CDC42BPB: variants seen among roughly 807,000 people sequenced by gnomAD.
The protein encoded by CDC42BPB is CDC42 binding protein kinase beta.
A neutral mutation model predicts 214.9 loss-of-function variants in CDC42BPB; 37 were observed. The observed-to-expected ratio is 0.17, with a 90% CI of 0.13 to 0.23. The LOEUF is 0.23. Ranked by LOEUF, CDC42BPB falls within the 10% of genes least tolerant of loss-of-function variation. CDC42BPB has a pLI of 1.00. For missense variants in CDC42BPB, 1,694 were observed against 2,227.0 expected (o/e 0.76, Z 4.82); for synonymous variants, 931 against 884.0 (o/e 1.05, Z -0.94).
intron 1 of CDC42BPB, among the ~76,000 whole-genome samples, chr14:103,055,784 G>A (rs190617333): frequency 1.5e-4 from 23 of 150,416 alleles, no homozygotes; most frequent in African/African-American, 4.5e-4. Context: ...ATCTGGCAGA[G>A]TAGAGTAGGA....
At chr14:103,002,139 T>C (rs1052522624) in intron 4 of CDC42BPB, among the ~76,000 whole-genome samples, 2 of 152,254 alleles carry the variant, frequency 1.3e-5, no homozygotes. Context: ...TCCATATCGC[T>C]ATGAGAGGCA....
intron 9 of CDC42BPB, 62 bp downstream of exon 9, chr14:102,978,064 G>T: frequency 1.6e-6 from 2 of 1,284,134 alleles, no homozygotes; most frequent in Non-Finnish European, 1.1e-6. Flanking sequence ...AGACTGTGGT[G>T]TCTGACTGTT....
intron 3 of CDC42BPB, among the ~76,000 whole-genome samples, chr14:103,006,990 T>C (rs1442119270): frequency 9.9e-5 from 15 of 152,172 alleles, no homozygotes. Flanking sequence ...TGTTTGCCAC[T>C]GTTTGGGGCG....
At chr14:103,014,173 A>C (rs1267339811) in intron 1 of CDC42BPB, among the ~76,000 whole-genome samples, 7 of 151,072 alleles carry the variant, frequency 4.6e-5, no homozygotes, top group Admixed American at 6.6e-5. Context: ...CTCAAAAAAA[A>C]AAAAAAAAAA....
intron 5 of CDC42BPB, 64 bp downstream of exon 5, chr14:102,999,501 G>T: frequency 6.5e-7 from 1 of 1,547,070 alleles, no homozygotes; most frequent in Non-Finnish European, 8.9e-7. Flanking sequence ...GGACTTGGGA[G>T]CTCTGAAAGG....
rs140317521 is a variant in CDC42BPB at position 102,975,705 on chromosome 14, G to A, written c.1486C>T (p.Arg496Cys). 46 of 1,613,898 alleles carry A rather than the reference G, an allele frequency of 2.9e-5. No homozygotes were observed. The highest frequency in any genetic ancestry group is 3.6e-5 in the Non-Finnish European group (42 of 1,179,906). The change falls in exon 11 of 37, where the codon CGC becomes TGC. Residue 496 changes from arginine (R) to cysteine (C), a missense_variant. Arg to Cys is a radical substitution (Grantham distance 180). Around this residue, in one of 7 missense-constraint regions of CDC42BPB, gnomAD observed 462 missense variants for 513.5 expected, o/e 0.90. Coordinates refer to ENST00000361246, the MANE Select transcript of CDC42BPB (RefSeq NM_006035.4). ...ATACCTGCTATTTTATTCTTCAAGC[G>A]TTCGATTTCTTCATTTAGCTTTTTG... is the stretch of plus-strand genomic sequence containing the variant. ...EIKKLNEEIE[R>C]LKNKIADSNR...
Position 102,932,848 on chromosome 14 carries a change from G to A in CDC42BPB, c.*864C>T, listed in dbSNP as rs1034350164. 6.4e-5 allele frequency: 9 copies of A among 140,114 alleles called. No homozygotes were observed. The highest frequency in any genetic ancestry group is 2.1e-4 in the African/African-American group (8 of 38,716). 8.7% of individuals were successfully genotyped at this position (140,114 alleles called of 1,614,324 possible). A position where few individuals can be genotyped will look rare whatever the true frequency, so the allele number is the denominator to read the frequency against. The stretch of plus-strand genomic sequence containing the variant: ...CGTGATCATACGGGCTACTAATCAC[G>A]GGGGCTCCATGCGGGGGCAGGACTG... On this transcript the variant is annotated 3_prime_UTR_variant, in exon 37 of 37. Transcript: ENST00000361246.
Position 102,972,055 on chromosome 14 carries a change from C to A in CDC42BPB, c.1748G>T (p.Arg583Leu). The A allele has an allele frequency of 1.9e-6, 3 of 1,614,258 alleles. No homozygotes were observed. The highest frequency in any genetic ancestry group is 4.5e-5 in the East Asian group (2 of 44,892). Reference protein sequence around the residue: ...ALQEFSELNERMAELRAQKQK... With the variant: ...ALQEFSELNELMAELRAQKQK... ...CTTCTGGGCACGGAGCTCTGCCATG[C>A]GCTCGTTCAGCTCCGAGAACTCCTG... The change falls in exon 13 of 37, where the codon CGC (arginine) becomes CTC (leucine). Residue 583 changes from arginine to leucine, a missense_variant. Arg to Leu is a moderately radical substitution (Grantham distance 102). Transcript: ENST00000361246.
At chr14:102,997,232 G>A (rs1390072425) in intron 5 of CDC42BPB, among the ~76,000 whole-genome samples, 1 of 152,142 alleles carries the variant, frequency 6.6e-6, no homozygotes, top group Non-Finnish European at 1.5e-5. Context: ...CAGCCTCAAG[G>A]TGGAAGACAC....
intron 1 of CDC42BPB, among the ~76,000 whole-genome samples, chr14:103,023,921 C>T (rs1310745901): frequency 1.3e-5 from 2 of 152,158 alleles, no homozygotes; most frequent in African/African-American, 2.4e-5. Context: ...GAGGGAGCCC[C>T]CATGTCAGCT....
At chr14:103,017,182 G>T (rs1030260633) in intron 1 of CDC42BPB, among the ~76,000 whole-genome samples, 22 of 152,122 alleles carry the variant, frequency 1.4e-4, no homozygotes, top group Admixed American at 2.6e-4. Context: ...ATGAACCAGG[G>T]TGTAGCGGCA....
intron 7 of CDC42BPB, among the ~76,000 whole-genome samples, chr14:102,983,214 G>A (rs1253802686): frequency 6.6e-6 from 1 of 152,138 alleles, no homozygotes; most frequent in Non-Finnish European, 1.5e-5. Flanking sequence ...CTCACTCCAT[G>A]CGCCTGTGCA....
At chr14:103,024,736 C>T (rs1886954543) in intron 1 of CDC42BPB, among the ~76,000 whole-genome samples, 1 of 152,188 alleles carries the variant, frequency 6.6e-6, no homozygotes, top group African/African-American at 2.4e-5. Flanking sequence ...CTTCCACTTT[C>T]TGAACATCTA....
chr14:103,049,998 AAC>A (rs1888515838), intron 1 of CDC42BPB, among the ~76,000 whole-genome samples: 1 of 152,254 alleles, frequency 6.6e-6, no homozygotes, highest in Non-Finnish European at 1.5e-5. Context: ...GGCATGAGCC[AAC>A]ACACCCGGCC....
chr14:103,036,449 C>T lies in CDC42BPB; in HGVS notation c.175+20550G>A, dbSNP rs1887672960. Reference sequence around the variant, plus strand: ...GGATTATAGGCGTGAGCCACCGCGCCCAGCCTAAAATATTCTTAAACACAA... The same window carrying T: ...GGATTATAGGCGTGAGCCACCGCGCTCAGCCTAAAATATTCTTAAACACAA... On this transcript the variant is annotated intron_variant, in intron 1 of 36. Coordinates refer to ENST00000361246, the MANE Select transcript of CDC42BPB (RefSeq NM_006035.4). 2.0e-5 allele frequency among the ~76,000 whole-genome samples: 3 copies of T among 152,082 alleles called. No individual in the cohort carries two copies. The South Asian group carries it at 6.2e-4, about 32-fold the overall frequency.
intron 1 of CDC42BPB, among the ~76,000 whole-genome samples, chr14:103,039,729 C>G (rs2139740669): frequency 6.6e-6 from 1 of 152,268 alleles, no homozygotes; most frequent in East Asian, 1.9e-4. Flanking sequence ...GTCCCTAGTG[C>G]TGTTTCTACC....
intron 1 of CDC42BPB, among the ~76,000 whole-genome samples, chr14:103,021,216 T>C (rs1219188709): frequency 2.0e-5 from 3 of 152,160 alleles, no homozygotes; most frequent in African/African-American, 7.2e-5. Context: ...ATCCCAGCAC[T>C]TTGGGAGGCC....
rs368594800 is a variant in CDC42BPB, at chr14:102,975,681, T to C, written c.1507+3A>G. 1.5e-4 allele frequency: 241 copies of C among 1,613,760 alleles called. No individual in the cohort carries two copies. The Middle Eastern group carries it at 1.7e-3, about 11-fold the overall frequency. ...CTAAGAAGTCACACTTTTAAACACA[T>C]ACCTGCTATTTTATTCTTCAAGCGT... On this transcript the variant is annotated splice_donor_region_variant and intron_variant, in intron 11 of 36. Transcript: ENST00000361246.
intron 1 of CDC42BPB, among the ~76,000 whole-genome samples, chr14:103,052,437 C>G (rs1484366592): frequency 1.3e-5 from 2 of 152,128 alleles, no homozygotes; most frequent in East Asian, 3.8e-4. Flanking sequence ...CGCCTGTAAT[C>G]CCAGCACTTT....
Sources: gnomAD v4.1 joint callset for allele counts (sites outside exome capture counted in the v4.1 genomes callset) on GRCh38, gnomAD v4.1.1 for gene constraint, gnomAD v4.1.1 regional missense constraint, MANE v1.5 for transcripts, NCBI Gene and HGNC (gene_info 2026-07-23, HGNC 2026-07-21) for gene names.